SCYL1: variants seen among roughly 807,000 people sequenced by gnomAD.
SCYL1 encodes SCY1 like pseudokinase 1.
SCYL1 carries 85 observed loss-of-function variants against 94.8 expected under a neutral mutation model. The ratio of observed to expected loss-of-function variants is 0.90; its 90% CI spans 0.75 to 1.07. SCYL1 has a LOEUF of 1.07. Among genes scored for constraint, SCYL1 ranks in the 50% least tolerant of loss-of-function variants. The probability of loss-of-function intolerance (pLI) is 0.00; values close to 1 mark genes in which losing one functional copy is unlikely to be tolerated. For missense variants in SCYL1, 968 were observed against 1,083.3 expected (o/e 0.89, Z 1.49); for synonymous variants, 459 against 435.5 (o/e 1.05, Z -0.67).
chr11:65,527,095 A>G lies in SCYL1; in HGVS notation c.827A>G (p.Asn276Ser), dbSNP rs562713747. The change falls in exon 6 of 18, where the codon AAC becomes AGC. Residue 276 changes from asparagine to serine, a missense_variant. By Grantham distance (46) the Asn-to-Ser change is conservative (BLOSUM62 1). This residue lies in a region of SCYL1 where 494 missense variants were observed against 619.7 expected (regional missense o/e 0.80). Transcript: ENST00000270176. ...ATGAGCAACCGCTTTGTAGAAACCA[A>G]CCTCTTCCTGGAGGAGATTCAGGTG... ...GFMSNRFVET[N>S]LFLEEIQIKE... is the part of the protein sequence containing the mutation. 2.0e-5 allele frequency: 33 copies of G among 1,613,362 alleles called. No individual in the cohort carries two copies. The African/African-American group carries it at 2.9e-4, about 14-fold the overall frequency.
At position 65,531,176 on chromosome 11, in the gene SCYL1, C is replaced by T. The variant is rs371972328; in HGVS notation, c.1008+389C>T. Among the ~76,000 whole-genome samples, 6 of 152,210 alleles carry T rather than the reference C, an allele frequency of 3.9e-5. No individual in the cohort carries two copies. The South Asian group carries it at 1.0e-3, about 26-fold the overall frequency. ...TCCACCCTTTCCTCAGACCCCAGCC[C>T]GCCTTTTTATGGGCACCTGGCATTC... On this transcript the variant is annotated intron_variant, in intron 7 of 17. Transcript: ENST00000270176.
In SCYL1 at chr11:65,526,709, C is replaced by T; in HGVS notation, c.603-74C>T. ...CCAGGCCCTGGCATGCAGTGGGTGCCTGGTGCCCAAGGCAGGCTGGAGGCC... is the reference window on the plus strand; with the variant it reads ...CCAGGCCCTGGCATGCAGTGGGTGCTTGGTGCCCAAGGCAGGCTGGAGGCC... On this transcript the variant is annotated intron_variant, in intron 4 of 17. Coordinates refer to ENST00000270176, the MANE Select transcript of SCYL1 (RefSeq NM_020680.4). The surrounding 1 kb of genome is among the most constrained non-coding windows in gnomAD (Gnocchi z 4.1). 6.9e-7 allele frequency: 1 copy of T among 1,458,528 alleles called. No homozygotes were observed. The highest frequency in any genetic ancestry group is 9.4e-7 in the Non-Finnish European group (1 of 1,062,788). The allele number at this position is 1,458,528 out of a possible 1,614,324, so 90.3% of individuals were successfully genotyped here.
In SCYL1 at chr11:65,536,143, T is replaced by G. The variant is rs1421879246; in HGVS notation, c.1575+2T>G. 1 of 1,612,804 alleles carries G rather than the reference T, an allele frequency of 6.2e-7. No individual in the cohort carries two copies. Among genetic ancestry groups the G allele is most frequent in the Non-Finnish European group, 8.5e-7 (1 of 1,179,166 alleles). On this transcript the variant is annotated splice_donor_variant, in intron 11 of 17. Transcript: ENST00000270176. LOFTEE classifies it high-confidence loss of function. ...CCTGAGAAATCCGTGCGAGACCAGG[T>G]GAGGCACAGCTGGGCCTGGGCCCTG...
chr11:65,526,954 C>T lies in SCYL1; in HGVS notation c.694-8C>T. ...ACCCCTGCCCTGACACTGACCCCTCCCCTACAGATCCCCAAAACGCTGGTG... is the reference window on the plus strand; with the variant it reads ...ACCCCTGCCCTGACACTGACCCCTCTCCTACAGATCCCCAAAACGCTGGTG... On this transcript the variant is annotated splice_region_variant and splice_polypyrimidine_tract_variant and intron_variant, in intron 5 of 17. Coordinates refer to ENST00000270176, the MANE Select transcript of SCYL1 (RefSeq NM_020680.4). The surrounding 1 kb of genome is among the most constrained non-coding windows in gnomAD (Gnocchi z 4.1). 4 of 1,610,904 alleles carry T rather than the reference C, an allele frequency of 2.5e-6. No individual in the cohort carries two copies. Among genetic ancestry groups the T allele is most frequent in the South Asian group, 1.1e-5 (1 of 91,024 alleles).
In SCYL1 at chr11:65,536,681, A is replaced by C; in HGVS notation, c.1747A>C (p.Lys583Gln). Residue 583 changes from lysine to glutamine, a missense_variant, in exon 13 of 18, where the codon AAG (lysine) becomes CAG (glutamine). This residue lies in a region of SCYL1 where 474 missense variants were observed against 463.6 expected (regional missense o/e 1.02). Transcript: ENST00000270176. ...GACCGGGGTCTCCTCACTCACCTCC[A>C]AGCTGATCCGTTCGCACCCAACCAC... ...AVTGVSSLTSKLIRSHPTTAP... is the reference protein window; with the variant it reads ...AVTGVSSLTSQLIRSHPTTAP... 1 of 1,613,944 alleles carries C rather than the reference A, an allele frequency of 6.2e-7. No individual in the cohort carries two copies. Among genetic ancestry groups the C allele is most frequent in the Non-Finnish European group, 8.5e-7 (1 of 1,179,894 alleles).
Position 65,538,553 on chromosome 11 carries a change from G to T in SCYL1, c.2414G>T (p.Arg805Leu). Residue 805 changes from arginine to leucine, a missense_variant, in exon 18 of 18, where the codon CGG becomes CTG. Around this residue, in one of 2 missense-constraint regions of SCYL1, gnomAD observed 474 missense variants for 463.6 expected, o/e 1.02. Coordinates refer to ENST00000270176, the MANE Select transcript of SCYL1 (RefSeq NM_020680.4). ...AAGGGCCCCATGAAGCTGGGAGCCC[G>T]GAAGCTGGACTGAACCGTGGCGGTG... The part of the protein sequence containing the change: ...VAKGPMKLGA[R>L]KLD 6.2e-7 allele frequency: 1 copy of T among 1,611,440 alleles called. No individual in the cohort carries two copies. The highest frequency in any genetic ancestry group is 1.1e-5 in the South Asian group (1 of 90,898).
intron 9 of SCYL1, chr11:65,535,012 CAG>C (rs1855566228): frequency 3.4e-6 from 2 of 589,734 alleles, no homozygotes; most frequent in Non-Finnish European, 6.0e-6. Flanking sequence ...AAATGGGAAA[CAG>C]GAGTGCAGAC....
At position 65,536,351 on chromosome 11, in the gene SCYL1, C is replaced by T. The variant is rs1272062732; in HGVS notation, c.1651+17C>T. On this transcript the variant is annotated intron_variant, in intron 12 of 17. Coordinates refer to ENST00000270176, the MANE Select transcript of SCYL1 (RefSeq NM_020680.4). ...AGGAAGTGGGTGAGTGGCTTACACT[C>T]GTGTTCCCTCTTTCCCTGCCATGTC... The T allele has an allele frequency of 5.0e-6, 8 of 1,611,898 alleles. No individual in the cohort carries two copies. The highest frequency in any genetic ancestry group is 2.7e-5 in the African/African-American group (2 of 75,018).
rs533351591 is a variant in SCYL1, at chr11:65,531,463, C to A, written c.1009-113C>A. On this transcript the variant is annotated intron_variant, in intron 7 of 17. Transcript: ENST00000270176. ...GCTACTGAGGAAATGCCTGCCCCCC[C>A]CTCCGCCATCACTTCATTCCCACCC... 391 of 749,416 alleles carry A rather than the reference C, an allele frequency of 5.2e-4. 4 individuals are homozygous for A. Among genetic ancestry groups the A allele is most frequent in the South Asian group, 3.2e-3 (204 of 63,778 alleles). 46.4% of individuals were successfully genotyped at this position (749,416 alleles called of 1,614,324 possible).
In SCYL1 at chr11:65,531,686, G is replaced by A; in HGVS notation, c.1116+3G>A. 1 of 1,608,650 alleles carries A rather than the reference G, an allele frequency of 6.2e-7. No homozygotes were observed. The highest frequency in any genetic ancestry group is 8.5e-7 in the Non-Finnish European group (1 of 1,175,274). On this transcript the variant is annotated splice_donor_region_variant and intron_variant, in intron 8 of 17. Transcript: ENST00000270176. ...TGCGCATCCGCCTCCTGCAGCAGGT[G>A]AGGCCTCTGTACCAGACTCTGTGGT...
At position 65,530,286 on chromosome 11, in the gene SCYL1, G is replaced by C. The variant is rs368066857; in HGVS notation, c.850-343G>C. Among the ~76,000 whole-genome samples the C allele has an allele frequency of 1.7e-4, 26 of 152,326 alleles. No homozygotes were observed. The East Asian group carries it at 4.8e-3, about 28-fold the overall frequency. On this transcript the variant is annotated intron_variant, in intron 6 of 17. Transcript: ENST00000270176. ...ACTGATAAAGGGCCTGATGCCCTTA[G>C]TGATGCCTCTGCTGTCCCTAGTGGC...
chr11:65,525,292 CG>C, intron 1 of SCYL1, 28 bp downstream of exon 1: 8 of 1,373,802 alleles, frequency 5.8e-6, no homozygotes, highest in Non-Finnish European at 7.7e-6. Flanking sequence ...CCGTAGGCCG[CG>C]GTCGACCTGG....
intron 1 of SCYL1, 112 bp from the exon 2 acceptor site, chr11:65,525,462 G>T: frequency 7.5e-7 from 1 of 1,341,734 alleles, no homozygotes; most frequent in African/African-American, 1.5e-5. Context: ...GGTCACGTGG[G>T]CCCGGCGAAG....
rs1006318788 is a variant in SCYL1, at chr11:65,526,076, G to GA, written c.375+34dup. On this transcript the variant is annotated intron_variant, in intron 3 of 17. Transcript: ENST00000270176. The surrounding 1 kb of genome is among the most constrained non-coding windows in gnomAD (Gnocchi z 4.1). ...GGGGGGCAGTGGTGATGAGAGCAGG[G>GA]ATGGGGGGTTGCAGGTGCTGGGGCG... 2.5e-6 allele frequency: 4 copies of GA among 1,611,592 alleles called. No homozygotes were observed. Among genetic ancestry groups the GA allele is most frequent in the African/African-American group, 1.3e-5 (1 of 74,894 alleles).
chr11:65,526,765 T>C lies in SCYL1; in HGVS notation c.603-18T>C. 1.2e-6 allele frequency: 2 copies of C among 1,608,514 alleles called. No homozygotes were observed. The highest frequency in any genetic ancestry group is 1.3e-5 in the African/African-American group (1 of 74,954). On this transcript the variant is annotated intron_variant, in intron 4 of 17. Transcript: ENST00000270176. The surrounding 1 kb of genome is among the most constrained non-coding windows in gnomAD (Gnocchi z 4.1). ...AGGTGGTTGGTGGGGCCCTAAGAGCTCTGGGTCACTGCCACAGGTCAGCAG... is the reference window on the plus strand; with the variant it reads ...AGGTGGTTGGTGGGGCCCTAAGAGCCCTGGGTCACTGCCACAGGTCAGCAG...
In SCYL1 at chr11:65,530,787, G is replaced by A; in HGVS notation, c.1008G>A (p.Lys336=). 1 of 1,610,320 alleles carries A rather than the reference G, an allele frequency of 6.2e-7. No homozygotes were observed. Among genetic ancestry groups the A allele is most frequent in the East Asian group, 2.2e-5 (1 of 44,854 alleles). ...CCGTTGTCCTCACGCCCCTCTTCAA[G>A]GTGAGTGGAACTGTGGGGTCCAGAA... The part of the protein sequence containing the change: ...AGAVVLTPLF[K]VGKFLSAEEY... Residue 336 remains lysine, a splice_region_variant and synonymous_variant, in exon 7 of 18, where the codon AAG becomes AAA. Transcript: ENST00000270176.
Position 65,526,845 on chromosome 11 carries a change from G to T in SCYL1, c.665G>T (p.Arg222Leu). The T allele has an allele frequency of 6.2e-7, 1 of 1,613,354 alleles. No individual in the cohort carries two copies. ...GAAGTCTTCAATGGGCCCCTACCTC[G>T]GGCAGCAGCCCTACGCAACCCTGGG... Reference protein sequence around the residue: ...IWEVFNGPLPRAAALRNPGKI... With the variant: ...IWEVFNGPLPLAAALRNPGKI... Residue 222 changes from arginine to leucine, a missense_variant, in exon 5 of 18, where the codon CGG becomes CTG. Coordinates refer to ENST00000270176, the MANE Select transcript of SCYL1 (RefSeq NM_020680.4). The surrounding 1 kb of genome is among the most constrained non-coding windows in gnomAD (Gnocchi z 4.1).
At chr11:65,532,149 C>T (rs866208520) in intron 8 of SCYL1, among the ~76,000 whole-genome samples, 1 of 152,094 alleles carries the variant, frequency 6.6e-6, no homozygotes, top group African/African-American at 2.4e-5. Context: ...TCAGGCTGGG[C>T]GCAGTGGCTC....
At chr11:65,525,769 C>T (rs946479784) in intron 2 of SCYL1, 55 bp downstream of exon 2, 14 of 1,603,032 alleles carry the variant, frequency 8.7e-6, no homozygotes, top group Non-Finnish European at 1.2e-5. Flanking sequence ...TGGTTACCCA[C>T]TCCTGTCTCC....
Sources: allele counts gnomAD v4.1 joint callset (sites outside exome capture counted in the v4.1 genomes callset), GRCh38; gene constraint gnomAD v4.1.1; regional missense constraint gnomAD v4.1.1; non-coding constraint Gnocchi (gnomAD v3.1); transcripts MANE v1.5; gene names NCBI Gene and HGNC (gene_info 2026-07-23, HGNC 2026-07-21).